The following NEK1 variants were observed in gnomAD, a reference collection of about 807,000 sequenced individuals.
NEK1 encodes the protein serine/threonine-protein kinase Nek1.
NEK1 carries 137 observed loss-of-function variants against 182.1 expected under a neutral mutation model. The observed-to-expected ratio is 0.75, with a 90% CI of 0.65 to 0.87. The LOEUF is 0.87. Ranked by LOEUF, NEK1 falls within the 40% of genes least tolerant of loss-of-function variation. NEK1 has a pLI of 0.00. For synonymous variants in NEK1, 513 were observed against 492.2 expected, an observed-to-expected ratio of 1.04 and a Z score of -0.56; for missense variants, 1,391 against 1,494.4, an observed-to-expected ratio of 0.93 and a Z score of 1.14.
At chr4:169,567,860 G>A (rs1763975308) in intron 12 of NEK1, among the ~76,000 whole-genome samples, 1 of 152,134 alleles carries the variant, frequency 6.6e-6, no homozygotes, top group Admixed American at 6.5e-5. Context: ...ATTTGCCTAT[G>A]ATTCAGAATA....
Position 169,576,928 on chromosome 4 carries a change from C to A in NEK1, c.1020G>T (p.Gln340His). The stretch of plus-strand genomic sequence containing the variant: ...CACATGGTATGTAACATGATCATAC[C>A]TGTTTATGTTTTTGCAGTGGTTTCT... Reference protein sequence around the residue: ...HEKKPLQKHKQAHQTPEKRVN... With the variant: ...HEKKPLQKHKHAHQTPEKRVN... Residue 340 changes from glutamine to histidine, a missense_variant and splice_region_variant, in exon 12 of 36, where the codon CAG (glutamine) becomes CAT (histidine). By Grantham distance (24) the Gln-to-His change is conservative. Coordinates refer to ENST00000507142, the MANE Select transcript of NEK1 (RefSeq NM_001199397.3). 1 of 1,596,476 alleles carries A rather than the reference C, an allele frequency of 6.3e-7. No homozygotes were observed.
intron 29 of NEK1, among the ~76,000 whole-genome samples, chr4:169,433,216 T>G (rs926186679): frequency 6.6e-6 from 1 of 152,066 alleles, no homozygotes; most frequent in African/African-American, 2.4e-5. Context: ...CGTGCCACCA[T>G]GCCTGGCTAA....
Position 169,463,482 on chromosome 4 carries a change from T to C in NEK1, c.2435-87A>G, listed in dbSNP as rs547032966. On this transcript the variant is annotated intron_variant, in intron 26 of 35. Transcript: ENST00000507142. ...GGCAGATTTTGAGTCTTTTATCCAA[T>C]TGAGTGGTTCATGAGAAAAAAAGGT... is the stretch of plus-strand genomic sequence containing the variant. The C allele has an allele frequency of 7.2e-5, 66 of 919,708 alleles. No homozygotes were observed. The highest frequency in any genetic ancestry group is 1.6e-4 in the Admixed American group (6 of 38,212). The allele number at this position is 919,708 out of a possible 1,614,324, so 57.0% of individuals were successfully genotyped here.
intron 11 of NEK1, among the ~76,000 whole-genome samples, chr4:169,578,491 A>G (rs752623706): frequency 1.1e-4 from 16 of 152,244 alleles, no homozygotes; most frequent in Non-Finnish European, 2.1e-4. Flanking sequence ...CTGGTAGTTC[A>G]AAATGAAATC....
intron 11 of NEK1, among the ~76,000 whole-genome samples, chr4:169,578,586 ACTT>A (rs762392916): frequency 6.6e-6 from 1 of 152,184 alleles, no homozygotes; most frequent in South Asian, 2.1e-4. Context: ...AAGAAACAAA[ACTT>A]CTAATAACGC....
intron 27 of NEK1, among the ~76,000 whole-genome samples, chr4:169,452,475 T>G (rs372625693): frequency 3.3e-5 from 5 of 152,174 alleles, no homozygotes; most frequent in African/African-American, 4.8e-5. Context: ...ATGATCAAGT[T>G]GGCTTCATCC....
intron 12 of NEK1, among the ~76,000 whole-genome samples, chr4:169,569,586 T>C (rs1336286897): frequency 6.6e-6 from 1 of 151,732 alleles, no homozygotes; most frequent in Non-Finnish European, 1.5e-5. Flanking sequence ...CACTGCAACC[T>C]CCCTGCCTGA....
In NEK1 at chr4:169,537,757, T is replaced by C. The variant is rs1580567573; in HGVS notation, c.1665+52A>G. ...CTTACACTTACCTTATTCCAGACCT[T>C]CACTTGGAATACTAATACATTCAAA... On this transcript the variant is annotated intron_variant, in intron 19 of 35. Transcript: ENST00000507142. 7 of 1,330,710 alleles carry C rather than the reference T, an allele frequency of 5.3e-6. No homozygotes were observed. In the East Asian group the frequency reaches 1.6e-4, roughly 31 times the overall value. 82.4% of individuals were successfully genotyped at this position (1,330,710 alleles called of 1,614,324 possible). A position where few individuals can be genotyped will look rare whatever the true frequency, so the allele number is the denominator to read the frequency against.
At chr4:169,561,640 A>G (rs771638726) in intron 15 of NEK1, 47 bp downstream of exon 15, 1 of 1,578,296 alleles carries the variant, frequency 6.3e-7, no homozygotes, top group Non-Finnish European at 8.7e-7. Flanking sequence ...ACTGAAAATC[A>G]GTGTATTCCT....
intron 6 of NEK1, among the ~76,000 whole-genome samples, chr4:169,590,341 C>T (rs186798271): frequency 1.3e-4 from 20 of 151,996 alleles, no homozygotes; most frequent in Admixed American, 8.5e-4. Context: ...GACAGACAGA[C>T]AGACAGACAG....
intron 26 of NEK1, among the ~76,000 whole-genome samples, chr4:169,472,212 T>C (rs1746120098): frequency 6.6e-6 from 1 of 151,910 alleles, no homozygotes; most frequent in East Asian, 1.9e-4. Flanking sequence ...CAGCTCGGTG[T>C]CTCCCCAAAC....
chr4:169,603,706 ATT>A (rs398064265), intron 2 of NEK1, among the ~76,000 whole-genome samples: 39 of 129,618 alleles, frequency 3.0e-4, no homozygotes, highest in Admixed American at 5.4e-4. Flanking sequence ...TTTATTGAAC[ATT>A]TTTTTTTTTT....
intron 31 of NEK1, among the ~76,000 whole-genome samples, chr4:169,417,802 C>T (rs954898192): frequency 6.6e-6 from 1 of 152,104 alleles, no homozygotes; most frequent in East Asian, 1.9e-4. Context: ...GACTGTGATC[C>T]CTGTGAGAAG....
intron 28 of NEK1, among the ~76,000 whole-genome samples, chr4:169,436,216 T>C (rs77051486): frequency 0.012 from 1,825 of 152,330 alleles, 32 homozygotes; most frequent in African/African-American, 0.041. Context: ...AAATTGTTAT[T>C]TTAAGCTACT....
chr4:169,445,156 A>G (rs1327781143), intron 27 of NEK1, among the ~76,000 whole-genome samples: 1 of 151,734 alleles, frequency 6.6e-6, no homozygotes, highest in African/African-American at 2.4e-5. Flanking sequence ...CCAGAAGCTC[A>G]TGGCTGTAAT....
chr4:169,586,330 T>G (rs1767531907), intron 9 of NEK1, among the ~76,000 whole-genome samples: 1 of 152,108 alleles, frequency 6.6e-6, no homozygotes, highest in South Asian at 2.1e-4. Flanking sequence ...TTCTACTAAA[T>G]GTTGAGCTCT....
intron 27 of NEK1, among the ~76,000 whole-genome samples, chr4:169,455,806 GAAAAATAAA>G (rs748813650): frequency 1.3e-5 from 2 of 151,614 alleles, no homozygotes; most frequent in African/African-American, 2.4e-5. Flanking sequence ...AGCAGCAAAA[GAAAAATAAA>G]AAAAAGAAAA....
At chr4:169,595,390 A>G (rs1227283607) in intron 5 of NEK1, among the ~76,000 whole-genome samples, 1 of 152,202 alleles carries the variant, frequency 6.6e-6, no homozygotes, top group Non-Finnish European at 1.5e-5. Flanking sequence ...TTATGTTTTT[A>G]TAAACTTAAA....
intron 26 of NEK1, among the ~76,000 whole-genome samples, chr4:169,471,142 T>G (rs186898793): frequency 2.0e-5 from 3 of 152,336 alleles, no homozygotes; most frequent in Admixed American, 2.0e-4. Context: ...AAACTCATTC[T>G]CCGTCCAGTT....
Sources: gnomAD v4.1 joint callset for allele counts (sites outside exome capture counted in the v4.1 genomes callset) on GRCh38, gnomAD v4.1.1 for gene constraint, MANE v1.5 for transcripts, NCBI Gene and HGNC (gene_info 2026-07-23, HGNC 2026-07-21) for gene names.